Variants in XKR9 observed in about 807,000 individuals in gnomAD.
XKR9 encodes the protein XK related 9.
XKR9 carries 32 observed loss-of-function variants against 32.0 expected under a neutral mutation model. That is an observed-to-expected ratio of 1.00 (90% CI 0.76 to 1.34). XKR9 has a LOEUF of 1.34. Among genes scored for constraint, XKR9 ranks in the 40% most tolerant of loss-of-function variants. The pLI is 0.00. For synonymous variants in XKR9, 168 were observed against 143.4 expected, an observed-to-expected ratio of 1.17 and a Z score of -1.22; for missense variants, 546 against 429.7, an observed-to-expected ratio of 1.27 and a Z score of -2.39.
At chr8:70,890,017 A>G in the XKR9 span, among the ~76,000 whole-genome samples, 9 of 152,164 alleles carry the variant, frequency 5.9e-5, no homozygotes, top group Admixed American at 5.9e-4. Flanking sequence ...ACAGTGGCTG[A>G]GCTAATTTAC....
At chr8:70,769,228 CTTT>C (rs879627943) in intron 2 of XKR9, among the ~76,000 whole-genome samples, 1 of 132,888 alleles carries the variant, frequency 7.5e-6, no homozygotes. Flanking sequence ...GTTGAAAAAT[CTTT>C]TTTTTTTTTT....
At chr8:71,058,160 A>G in the XKR9 span, among the ~76,000 whole-genome samples, 25 of 151,364 alleles carry the variant, frequency 1.7e-4, no homozygotes, top group African/African-American at 4.1e-4. Flanking sequence ...CAGCCTGGGC[A>G]ACAGCGAGAC....
At chr8:70,959,542 T>C in the XKR9 span, among the ~76,000 whole-genome samples, 3 of 152,196 alleles carry the variant, frequency 2.0e-5, no homozygotes, top group East Asian at 3.8e-4. Context: ...TACATATGTT[T>C]TGGAGAATTT....
chr8:71,005,984 C>T, the XKR9 span, among the ~76,000 whole-genome samples: 1 of 152,224 alleles, frequency 6.6e-6, no homozygotes, highest in Non-Finnish European at 1.5e-5. Context: ...TTTGGGATGA[C>T]ACATCCTAGG....
the XKR9 span, among the ~76,000 whole-genome samples, chr8:70,834,580 T>C: frequency 2.0e-5 from 3 of 152,174 alleles, no homozygotes; most frequent in Non-Finnish European, 4.4e-5. Context: ...TATATCTTAT[T>C]AGTCTCATCT....
rs143261861 is a variant in XKR9, at chr8:70,779,946, C to T, written n.353-9393C>T. On this transcript the variant is annotated intron_variant and non_coding_transcript_variant, in intron 2 of 3. Transcript: ENST00000520273. ...TTTTTTGAAGGTTTTTTTTGTGTCT[C>T]TATCTCCTTTAGTTCTGCTCTGATC... Among the ~76,000 whole-genome samples, 3 of 152,044 alleles carry T rather than the reference C, an allele frequency of 2.0e-5. No individual in the cohort carries two copies. In the East Asian group the frequency reaches 5.8e-4, roughly 29 times the overall value.
At chr8:70,849,985 CA>C in the XKR9 span, among the ~76,000 whole-genome samples, 75,205 of 144,332 alleles carry the variant, frequency 0.52, 19,633 homozygotes, top group Non-Finnish European at 0.59. Context: ...AATAGCCTGC[CA>C]AAAAAAAAAA....
chr8:70,818,183 T>G, the XKR9 span, among the ~76,000 whole-genome samples: 65 of 138,696 alleles, frequency 4.7e-4, no homozygotes, highest in East Asian at 1.9e-3. Flanking sequence ...TGTTGTTGTT[T>G]TTTTGTTTAT....
At chr8:70,982,283 G>A in the XKR9 span, among the ~76,000 whole-genome samples, 12 of 152,304 alleles carry the variant, frequency 7.9e-5, no homozygotes, top group East Asian at 1.9e-3. Context: ...GGCTGCCAGC[G>A]TGAGTAGAGA....
chr8:70,902,636 G>T, the XKR9 span, among the ~76,000 whole-genome samples: 1 of 152,130 alleles, frequency 6.6e-6, no homozygotes, highest in Admixed American at 6.5e-5. Flanking sequence ...TCTTTCTACT[G>T]CCTGATTGCC....
chr8:70,780,239 G>T (rs1490422353), intron 2 of XKR9, among the ~76,000 whole-genome samples: 12 of 150,768 alleles, frequency 8.0e-5, no homozygotes, highest in Middle Eastern at 3.4e-3. Flanking sequence ...CCATTTTATT[G>T]TTTTTCACTT....
At chr8:70,905,206 G>GA in the XKR9 span, among the ~76,000 whole-genome samples, 9,319 of 152,258 alleles carry the variant, frequency 0.061, 414 homozygotes, top group Non-Finnish European at 0.089. Context: ...ATAAAATCCT[G>GA]AAGAGTGTTA....
chr8:70,850,958 AG>A, the XKR9 span, among the ~76,000 whole-genome samples: 4 of 152,228 alleles, frequency 2.6e-5, no homozygotes, highest in Admixed American at 6.5e-5. Context: ...AAAGAAATAA[AG>A]GGTATTCAAA....
At position 70,771,163 on chromosome 8, in the gene XKR9, G is replaced by T. The variant is rs945338992; in HGVS notation, n.353-18176G>T. ...CCCTCAAAGCTTCCCTTGGCTAGGG[G>T]ACGGAGTTCCCTGACCCCTTGTGCT... On this transcript the variant is annotated intron_variant and non_coding_transcript_variant, in intron 2 of 3. Transcript: ENST00000520273. 2.6e-5 allele frequency among the ~76,000 whole-genome samples: 4 copies of T among 152,138 alleles called. No homozygotes were observed. The East Asian group carries it at 7.7e-4, about 29-fold the overall frequency.
chr8:70,704,693 TA>T (rs1805659221), intron 3 of XKR9, among the ~76,000 whole-genome samples: 1 of 152,200 alleles, frequency 6.6e-6, no homozygotes, highest in African/African-American at 2.4e-5. Flanking sequence ...GGTATGTTTA[TA>T]CTTGTGAATT....
At chr8:70,723,305 C>T (rs1196410209) in intron 4 of XKR9, among the ~76,000 whole-genome samples, 2 of 152,224 alleles carry the variant, frequency 1.3e-5, no homozygotes, top group South Asian at 2.1e-4. Context: ...TCTGTCAATT[C>T]GTCAAACTCA....
rs1286110884 is a variant in XKR9 at position 70,776,954 on chromosome 8, T to TATATATATATATAC, written n.353-12375_353-12374insATACATATATATAT. 2.0e-3 allele frequency among the ~76,000 whole-genome samples: 180 copies of TATATATATATATAC among 89,052 alleles called. 3 individuals are homozygous for TATATATATATATAC. In the Middle Eastern group the frequency reaches 0.027, roughly 13 times the overall value. The allele number at this position is 89,052 out of a possible 152,430, so 58.4% of individuals were successfully genotyped here. ...CTCTCTCTCTCTCTCTCTCTATATA[T>TATATATATATATAC]ATATATATATGTATGTATTATACTT... On this transcript the variant is annotated intron_variant and non_coding_transcript_variant, in intron 2 of 3. Transcript: ENST00000520273.
At chr8:70,714,349 T>C (rs1018455048) in intron 4 of XKR9, among the ~76,000 whole-genome samples, 3 of 151,986 alleles carry the variant, frequency 2.0e-5, no homozygotes, top group African/African-American at 7.2e-5. Context: ...AAATTACAGA[T>C]ATAAGAAAGC....
At chr8:70,698,053 C>T (rs1374750210) in intron 3 of XKR9, among the ~76,000 whole-genome samples, 53 of 151,918 alleles carry the variant, frequency 3.5e-4, no homozygotes, top group South Asian at 2.1e-4. Flanking sequence ...TTTTTTATTT[C>T]GTCTATTTGA....
Sources: allele counts gnomAD v4.1 joint callset (sites outside exome capture counted in the v4.1 genomes callset), GRCh38; gene constraint gnomAD v4.1.1; transcripts MANE v1.5; gene names NCBI Gene and HGNC (gene_info 2026-07-23, HGNC 2026-07-21).